Variants in ADGRL2 observed in about 807,000 individuals in gnomAD.
ADGRL2 encodes the protein calcium-independent alpha-latrotoxin receptor 2.
A neutral mutation model predicts 157.4 loss-of-function variants in ADGRL2; 44 were observed. The observed-to-expected ratio is 0.28, with a 90% CI of 0.22 to 0.36. ADGRL2 has a LOEUF of 0.36. Among genes scored for constraint, ADGRL2 ranks in the 10% least tolerant of loss-of-function variants. The pLI is 1.00. For synonymous variants in ADGRL2, 585 were observed against 624.7 expected, an observed-to-expected ratio of 0.94 and a Z score of 0.95; for missense variants, 1,510 against 1,768.9, an observed-to-expected ratio of 0.85 and a Z score of 2.63.
intron 1 of ADGRL2, among the ~76,000 whole-genome samples, chr1:81,371,977 G>T (rs2076168116): frequency 6.6e-6 from 1 of 152,130 alleles, no homozygotes; most frequent in Non-Finnish European, 1.5e-5. Context: ...AGGTACAGTT[G>T]ACAGGCAGTC....
chr1:81,869,490 A>G (rs2093635681), intron 2 of ADGRL2, among the ~76,000 whole-genome samples: 1 of 152,118 alleles, frequency 6.6e-6, no homozygotes, highest in African/African-American at 2.4e-5. Context: ...GCCACCTGTT[A>G]GTATTAGATC....
chr1:81,638,614 G>T (rs538668815), intron 3 of ADGRL2, among the ~76,000 whole-genome samples: 19 of 152,272 alleles, frequency 1.2e-4, no homozygotes, highest in Admixed American at 1.1e-3. Flanking sequence ...AGTGGACTTG[G>T]ATTAGTTGTA....
upstream of ADGRL2, among the ~76,000 whole-genome samples, chr1:81,695,695 C>A (rs138212689): frequency 0.015 from 2,342 of 152,098 alleles, 70 homozygotes; most frequent in African/African-American, 0.054. Flanking sequence ...ATGGTGTGTG[C>A]CAGTAATCCC....
chr1:81,736,981 C>A (rs890362619), intron 1 of ADGRL2, among the ~76,000 whole-genome samples: 1 of 152,026 alleles, frequency 6.6e-6, no homozygotes, highest in African/African-American at 2.4e-5. Context: ...ACTACGGGTG[C>A]TCGCCACCAT....
intron 1 of ADGRL2, among the ~76,000 whole-genome samples, chr1:81,706,155 C>T (rs997323293): frequency 5.9e-5 from 9 of 151,698 alleles, no homozygotes; most frequent in African/African-American, 1.9e-4. Flanking sequence ...GTGGGGATCA[C>T]GTCACTGCAC....
At chr1:81,638,777 G>C (rs1321333863) in intron 3 of ADGRL2, among the ~76,000 whole-genome samples, 4 of 151,996 alleles carry the variant, frequency 2.6e-5, no homozygotes, top group Non-Finnish European at 5.9e-5. Context: ...CAAAAACAGG[G>C]GCACAGAACA....
intron 2 of ADGRL2, among the ~76,000 whole-genome samples, chr1:81,859,595 A>G (rs1361109811): frequency 6.6e-6 from 1 of 151,788 alleles, no homozygotes; most frequent in Non-Finnish European, 1.5e-5. Context: ...TTTTGTAGAC[A>G]CAGGGTCTTG....
At chr1:81,729,050 C>T (rs2084635593) in intron 1 of ADGRL2, among the ~76,000 whole-genome samples, 2 of 151,640 alleles carry the variant, frequency 1.3e-5, no homozygotes, top group Admixed American at 6.6e-5. Context: ...AATGTGCCTG[C>T]ACTTGTTAGA....
chr1:81,608,034 G>A (rs2081468903), intron 3 of ADGRL2, among the ~76,000 whole-genome samples: 1 of 152,198 alleles, frequency 6.6e-6, no homozygotes, highest in Admixed American at 6.5e-5. Context: ...GAAGCATTGT[G>A]CATGTGTGAG....
intron 3 of ADGRL2, among the ~76,000 whole-genome samples, chr1:81,672,140 T>G (rs1192727801): frequency 6.6e-6 from 1 of 152,238 alleles, no homozygotes; most frequent in Non-Finnish European, 1.5e-5. Context: ...ATCTTAGAAT[T>G]GGGCTTTCAA....
At chr1:81,970,093 A>C (rs1658283234) in intron 15 of ADGRL2, among the ~76,000 whole-genome samples, 1 of 152,120 alleles carries the variant, frequency 6.6e-6, no homozygotes, top group Admixed American at 6.6e-5. Flanking sequence ...AACCTAGCAC[A>C]CTTGGCATTA....
chr1:81,801,189 T>G (rs2088038342), intron 1 of ADGRL2, among the ~76,000 whole-genome samples, 121 bp downstream of exon 1: 1 of 152,224 alleles, frequency 6.6e-6, no homozygotes, highest in African/African-American at 2.4e-5. Context: ...GCTCCACGTT[T>G]TGTACTTAGC....
At chr1:81,502,896 C>T in intron 2 of ADGRL2, 2 of 1,613,492 alleles carry the variant, frequency 1.2e-6, no homozygotes, top group South Asian at 1.1e-5. Context: ...TTGGCTCCAG[C>T]AGTGGCACCA....
intron 1 of ADGRL2, among the ~76,000 whole-genome samples, chr1:81,708,059 A>G (rs557651125): frequency 6.6e-6 from 1 of 152,300 alleles, no homozygotes; most frequent in African/African-American, 2.4e-5. Context: ...AGTTGTAAGA[A>G]TATCTCTGCC....
chr1:81,410,028 A>G (rs900518710), intron 1 of ADGRL2, among the ~76,000 whole-genome samples: 2 of 152,158 alleles, frequency 1.3e-5, no homozygotes, highest in Admixed American at 1.3e-4. Flanking sequence ...GGTCTAAGAA[A>G]CTCTGAATAT....
At chr1:81,328,041 AC>A (rs1661016214) in intron 1 of ADGRL2, among the ~76,000 whole-genome samples, 1 of 152,178 alleles carries the variant, frequency 6.6e-6, no homozygotes, top group African/African-American at 2.4e-5. Context: ...GGAACAAAAA[AC>A]AAAAAGGCTT....
intron 3 of ADGRL2, among the ~76,000 whole-genome samples, chr1:81,594,608 C>T (rs115880275): frequency 0.024 from 3,624 of 152,214 alleles, 140 homozygotes; most frequent in African/African-American, 0.083. Context: ...AAATCAGTGG[C>T]TTGAATTGAA....
intron 1 of ADGRL2, among the ~76,000 whole-genome samples, chr1:81,413,035 A>T (rs1315591717): frequency 6.6e-6 from 1 of 152,124 alleles, no homozygotes; most frequent in Non-Finnish European, 1.5e-5. Context: ...TTATGCATAT[A>T]TCAAAGTTTT....
At chr1:81,332,521 T>C (rs914644041) in intron 1 of ADGRL2, among the ~76,000 whole-genome samples, 8 of 152,144 alleles carry the variant, frequency 5.3e-5, no homozygotes, top group Non-Finnish European at 1.0e-4. Flanking sequence ...TCCAAGAGCT[T>C]TGGAAACATT....
Sources: allele counts gnomAD v4.1 joint callset (sites outside exome capture counted in the v4.1 genomes callset), GRCh38; gene constraint gnomAD v4.1.1; transcripts MANE v1.5; gene names NCBI Gene and HGNC (gene_info 2026-07-23, HGNC 2026-07-21).